Variants in DSCAM observed in about 807,000 individuals in gnomAD.
DSCAM encodes DS cell adhesion molecule, also known as cell adhesion molecule DSCAM.
A neutral mutation model predicts 217.7 loss-of-function variants in DSCAM; 47 were observed. The ratio of observed to expected loss-of-function variants is 0.22; its 90% CI spans 0.17 to 0.28. DSCAM has a LOEUF of 0.28. Among genes scored for constraint, DSCAM ranks in the 10% least tolerant of loss-of-function variants. DSCAM has a pLI of 1.00. For missense variants in DSCAM, 2,080 were observed against 2,618.3 expected (o/e 0.79, Z 4.49); for synonymous variants, 1,056 against 1,015.3 (o/e 1.04, Z -0.76).
intron 1 of DSCAM, among the ~76,000 whole-genome samples, chr21:40,776,270 T>C (rs2091487499): frequency 1.3e-5 from 2 of 152,312 alleles, no homozygotes; most frequent in South Asian, 4.1e-4. Flanking sequence ...TCAGTGTTGT[T>C]ATTTTCAGGA....
intron 3 of DSCAM, among the ~76,000 whole-genome samples, chr21:40,382,378 G>A (rs936340500): frequency 2.0e-5 from 3 of 151,986 alleles, no homozygotes; most frequent in African/African-American, 7.3e-5. Flanking sequence ...TCATTTCCTT[G>A]GACATGACAC....
At chr21:40,658,315 A>T (rs2090098223) in intron 3 of DSCAM, among the ~76,000 whole-genome samples, 1 of 152,232 alleles carries the variant, frequency 6.6e-6, no homozygotes, top group Non-Finnish European at 1.5e-5. Flanking sequence ...TCTGAACCTC[A>T]GTGGGTCTGT....
chr21:40,665,751 C>T (rs1225965229), intron 3 of DSCAM, among the ~76,000 whole-genome samples: 1 of 152,226 alleles, frequency 6.6e-6, no homozygotes, highest in African/African-American at 2.4e-5. Context: ...GGGTCTGGTC[C>T]ATGGCAATGC....
At chr21:40,433,791 C>G (rs2075558667) in intron 3 of DSCAM, among the ~76,000 whole-genome samples, 1 of 151,974 alleles carries the variant, frequency 6.6e-6, no homozygotes, top group Admixed American at 6.6e-5. Context: ...GATGAGGTCA[C>G]CTGAGTTGGA....
At chr21:40,693,255 C>A (rs2090557806) in intron 2 of DSCAM, among the ~76,000 whole-genome samples, 1 of 152,002 alleles carries the variant, frequency 6.6e-6, no homozygotes, top group Admixed American at 6.6e-5. Context: ...GGCAACATGG[C>A]AACACCCCAT....
At position 40,117,001 on chromosome 21, in the gene DSCAM, C is replaced by CAAAAAAAAAAA. The variant is rs534100380; in HGVS notation, c.3696+7183_3696+7193dup. ...TGGGTGACAGAGTGAGACTCTGTCT[C>CAAAAAAAAAAA]AAAAAAAAAAAAAAAAAAAAAAAAA... On this transcript the variant is annotated intron_variant, in intron 20 of 32. Transcript: ENST00000400454. Among the ~76,000 whole-genome samples the CAAAAAAAAAAA allele has an allele frequency of 5.7e-4, 19 of 33,180 alleles. 2 individuals are homozygous for CAAAAAAAAAAA. The highest frequency in any genetic ancestry group is 1.6e-3 in the African/African-American group (15 of 9,426). 21.8% of individuals were successfully genotyped at this position (33,180 alleles called of 152,430 possible).
At chr21:40,630,171 A>G (rs2089669439) in intron 3 of DSCAM, among the ~76,000 whole-genome samples, 1 of 152,186 alleles carries the variant, frequency 6.6e-6, no homozygotes, top group African/African-American at 2.4e-5. Flanking sequence ...AAGTATGTCT[A>G]ATATTAGGGA....
At chr21:40,422,097 T>C (rs971681239) in intron 3 of DSCAM, among the ~76,000 whole-genome samples, 2 of 152,234 alleles carry the variant, frequency 1.3e-5, no homozygotes, top group African/African-American at 4.8e-5. Flanking sequence ...GTCCTGCTCA[T>C]GCCCATGGCA....
intron 10 of DSCAM, among the ~76,000 whole-genome samples, chr21:40,294,988 C>A (rs1223403078): frequency 6.6e-6 from 1 of 152,136 alleles, no homozygotes; most frequent in Admixed American, 6.6e-5. Flanking sequence ...TACCTTCCTT[C>A]TCAAAAGAGA....
chr21:40,450,035 A>G (rs2075706132), intron 3 of DSCAM, among the ~76,000 whole-genome samples: 1 of 152,216 alleles, frequency 6.6e-6, no homozygotes, highest in Non-Finnish European at 1.5e-5. Context: ...GAAAAACTCA[A>G]TGAAATGTTC....
intron 16 of DSCAM, among the ~76,000 whole-genome samples, chr21:40,165,156 G>C (rs887002552): frequency 6.6e-6 from 1 of 152,106 alleles, no homozygotes; most frequent in Non-Finnish European, 1.5e-5. Context: ...CCCTCTTTGG[G>C]GCTAACGCTA....
At chr21:40,033,225 G>A (rs982396182) in intron 32 of DSCAM, among the ~76,000 whole-genome samples, 24 of 152,182 alleles carry the variant, frequency 1.6e-4, no homozygotes, top group African/African-American at 5.1e-4. Flanking sequence ...CCTGAGCGAC[G>A]CAGAAGACGG....
intron 3 of DSCAM, among the ~76,000 whole-genome samples, chr21:40,391,979 G>C (rs1169942783): frequency 1.3e-5 from 2 of 152,168 alleles, no homozygotes; most frequent in Non-Finnish European, 2.9e-5. Flanking sequence ...ATGGAGTTCG[G>C]GCTGTGGGAA....
At chr21:40,596,094 C>T (rs2077019597) in intron 3 of DSCAM, among the ~76,000 whole-genome samples, 1 of 152,190 alleles carries the variant, frequency 6.6e-6, no homozygotes, top group South Asian at 2.1e-4. Flanking sequence ...TGAGCCCATG[C>T]TCTGGGGGTA....
At chr21:40,241,366 A>G (rs144477435) in intron 11 of DSCAM, among the ~76,000 whole-genome samples, 5 of 152,346 alleles carry the variant, frequency 3.3e-5, no homozygotes, top group Non-Finnish European at 7.4e-5. Context: ...ACAAACATGT[A>G]GCCAACAAAT....
chr21:40,840,625 G>C (rs2092092883), intron 1 of DSCAM, among the ~76,000 whole-genome samples: 1 of 152,092 alleles, frequency 6.6e-6, no homozygotes, highest in African/African-American at 2.4e-5. Context: ...TCAGATACTC[G>C]AAATATGAAT....
chr21:40,834,909 C>G (rs2092044779), intron 1 of DSCAM, among the ~76,000 whole-genome samples: 1 of 152,118 alleles, frequency 6.6e-6, no homozygotes, highest in African/African-American at 2.4e-5. Flanking sequence ...GGTGAAATGC[C>G]GACTGCTCCT....
intron 3 of DSCAM, among the ~76,000 whole-genome samples, chr21:40,407,765 T>G (rs1425271259): frequency 1.8e-4 from 27 of 152,236 alleles, no homozygotes; most frequent in Admixed American, 1.8e-3. Flanking sequence ...GGTGACAGCA[T>G]GTGAAGCAGG....
At chr21:40,187,808 G>T in intron 13 of DSCAM, 83 bp downstream of exon 13, 1 of 1,202,620 alleles carries the variant, frequency 8.3e-7, no homozygotes, top group Non-Finnish European at 1.2e-6. Flanking sequence ...GGCAAGTTGA[G>T]GACACAGAGA....
Sources: allele counts gnomAD v4.1 joint callset (sites outside exome capture counted in the v4.1 genomes callset), GRCh38; gene constraint gnomAD v4.1.1; transcripts MANE v1.5; gene names NCBI Gene and HGNC (gene_info 2026-07-23, HGNC 2026-07-21).